The following NXPH1 variants were observed in gnomAD, a reference collection of about 807,000 sequenced individuals.
NXPH1 encodes the protein neurexophilin-1.
In NXPH1, 5 loss-of-function variants were observed where a neutral mutation model predicts 23.7. That is an observed-to-expected ratio of 0.21 (90% CI 0.11 to 0.44). The LOEUF is 0.44. Ranked by LOEUF, NXPH1 falls within the 20% of genes least tolerant of loss-of-function variation. The pLI, the probability that NXPH1 is intolerant of heterozygous loss-of-function variation, is 0.99. For synonymous variants in NXPH1, 144 were observed against 122.2 expected (o/e 1.18, Z -1.18); for missense variants, 324 against 321.6 (o/e 1.01, Z -0.06).
chr7:8,553,543 G>T (rs1198744165), intron 2 of NXPH1, among the ~76,000 whole-genome samples: 1 of 151,510 alleles, frequency 6.6e-6, no homozygotes, highest in Non-Finnish European at 1.5e-5. Flanking sequence ...AAGATACCCA[G>T]GTTTTAGCCT....
chr7:8,649,070 G>A (rs1057367004), intron 2 of NXPH1, among the ~76,000 whole-genome samples: 8 of 150,710 alleles, frequency 5.3e-5, no homozygotes, highest in Admixed American at 4.0e-4. Flanking sequence ...CCTTTTGATG[G>A]TACTTATTCA....
chr7:8,557,297 A>G (rs1365795281), intron 2 of NXPH1, among the ~76,000 whole-genome samples: 2 of 150,832 alleles, frequency 1.3e-5, no homozygotes, highest in East Asian at 2.0e-4. Context: ...AACAACAACA[A>G]CAACAACAAT....
At chr7:8,510,822 A>T (rs2128613924) in intron 2 of NXPH1, among the ~76,000 whole-genome samples, 1 of 152,232 alleles carries the variant, frequency 6.6e-6, no homozygotes, top group Non-Finnish European at 1.5e-5. Flanking sequence ...GGCATTTGCC[A>T]CTCTACACTG....
At chr7:8,623,687 TAAGAGA>T (rs1819927559) in intron 2 of NXPH1, among the ~76,000 whole-genome samples, 4 of 151,548 alleles carry the variant, frequency 2.6e-5, no homozygotes, top group African/African-American at 9.7e-5. Context: ...TTCTTATTTT[TAAGAGA>T]TATATACTGA....
intron 2 of NXPH1, among the ~76,000 whole-genome samples, chr7:8,567,079 A>G (rs1229320726): frequency 6.6e-6 from 1 of 151,846 alleles, no homozygotes; most frequent in South Asian, 2.1e-4. Context: ...TTGCTTTTCT[A>G]CGAATCTTCA....
rs189605506 is a variant in NXPH1, at chr7:8,518,495, C to T, written c.54+82728C>T. ...TATTTCCTAGCTCCAAGTAGCTTTCCGTCCCCTTGTTTATAGAGGCAGGTC... is the reference window on the plus strand; with the variant it reads ...TATTTCCTAGCTCCAAGTAGCTTTCTGTCCCCTTGTTTATAGAGGCAGGTC... On this transcript the variant is annotated intron_variant, in intron 2 of 2. Transcript: ENST00000405863. Among the ~76,000 whole-genome samples the T allele has an allele frequency of 9.2e-5, 14 of 152,154 alleles. No homozygotes were observed. The East Asian group carries it at 1.2e-3, about 13-fold the overall frequency.
intron 2 of NXPH1, among the ~76,000 whole-genome samples, chr7:8,479,646 A>G (rs943821702): frequency 6.6e-6 from 1 of 152,294 alleles, no homozygotes; most frequent in East Asian, 1.9e-4. Flanking sequence ...TAGAGAAATG[A>G]CTAATTCCAG....
At position 8,660,543 on chromosome 7, in the gene NXPH1, A is replaced by G. The variant is rs13226671; in HGVS notation, c.55-90465A>G. 5.7e-3 allele frequency among the ~76,000 whole-genome samples: 863 copies of G among 152,354 alleles called. 5 individuals carry two copies. Among genetic ancestry groups the G allele is most frequent in the African/African-American group, 0.02 (819 of 41,574 alleles). On this transcript the variant is annotated intron_variant, in intron 2 of 2. Coordinates refer to ENST00000405863, the MANE Select transcript of NXPH1 (RefSeq NM_152745.3). ...TGCCAAACTTGTTGAAGTTTTAAAA[A>G]TGAATAAGGCTCAAATGTAAAACTC... is the stretch of plus-strand genomic sequence containing the variant.
At chr7:8,624,572 A>G (rs1322716966) in intron 2 of NXPH1, among the ~76,000 whole-genome samples, 1 of 152,166 alleles carries the variant, frequency 6.6e-6, no homozygotes, top group Non-Finnish European at 1.5e-5. Context: ...GGGAAAAGAT[A>G]GTGTCATGTG....
At chr7:8,496,317 C>T (rs1212090938) in intron 2 of NXPH1, among the ~76,000 whole-genome samples, 1 of 152,028 alleles carries the variant, frequency 6.6e-6, no homozygotes, top group Non-Finnish European at 1.5e-5. Context: ...AGGCATGTTC[C>T]TCTTTCCTTC....
chr7:8,461,226 C>T lies in NXPH1; in HGVS notation c.54+25459C>T, dbSNP rs143153999. ...CAGTTTTCAATTCTCCATCCTCCCT[C>T]TGTCACATTACATGGTTAGGAAGAG... On this transcript the variant is annotated intron_variant, in intron 2 of 2. Transcript: ENST00000405863. Among the ~76,000 whole-genome samples the T allele has an allele frequency of 1.8e-3, 275 of 152,304 alleles. 1 individual carries two copies. The highest frequency in any genetic ancestry group is 1.4e-3 in the South Asian group (7 of 4,830).
chr7:8,737,020 G>T (rs183926651), intron 2 of NXPH1, among the ~76,000 whole-genome samples: 1 of 151,480 alleles, frequency 6.6e-6, no homozygotes, highest in East Asian at 1.9e-4. Context: ...TTGAGCGTGC[G>T]TGTGTGTTTG....
intron 2 of NXPH1, among the ~76,000 whole-genome samples, chr7:8,535,680 A>C (rs1296028491): frequency 6.6e-6 from 1 of 151,996 alleles, no homozygotes; most frequent in African/African-American, 2.4e-5. Context: ...AAAATAAAGC[A>C]AGGTAAGAAG....
intron 2 of NXPH1, among the ~76,000 whole-genome samples, chr7:8,486,520 T>A (rs1218878777): frequency 6.6e-6 from 1 of 152,202 alleles, no homozygotes; most frequent in East Asian, 1.9e-4. Context: ...GCCACAGACC[T>A]GCTGTGTGAA....
intron 2 of NXPH1, among the ~76,000 whole-genome samples, chr7:8,710,807 C>CAT (rs2115196770): frequency 7.2e-6 from 1 of 138,432 alleles, no homozygotes; most frequent in South Asian, 2.3e-4. Context: ...GGACTACAGG[C>CAT]GCCCGCCACC....
intron 2 of NXPH1, among the ~76,000 whole-genome samples, chr7:8,699,271 G>A (rs995962054): frequency 6.6e-6 from 1 of 152,046 alleles, no homozygotes; most frequent in African/African-American, 2.4e-5. Context: ...TACTTGGTTA[G>A]ATAAATGCTT....
At chr7:8,490,307 C>T (rs1163941800) in intron 2 of NXPH1, among the ~76,000 whole-genome samples, 1 of 151,618 alleles carries the variant, frequency 6.6e-6, no homozygotes, top group African/African-American at 2.4e-5. Context: ...CTAATGAGTA[C>T]AGAAATTACT....
chr7:8,593,947 G>T (rs1248327751), intron 2 of NXPH1, among the ~76,000 whole-genome samples: 1 of 151,402 alleles, frequency 6.6e-6, no homozygotes, highest in African/African-American at 2.4e-5. Context: ...TTCAGCTTAT[G>T]ATAACATTTT....
At chr7:8,734,293 G>T (rs1457451804) in intron 2 of NXPH1, among the ~76,000 whole-genome samples, 3 of 152,158 alleles carry the variant, frequency 2.0e-5, no homozygotes, top group African/African-American at 7.2e-5. Flanking sequence ...AGTATAGCTT[G>T]AAGTCAGGTA....
Sources: allele counts gnomAD v4.1 joint callset (sites outside exome capture counted in the v4.1 genomes callset), GRCh38; gene constraint gnomAD v4.1.1; transcripts MANE v1.5; gene names NCBI Gene and HGNC (gene_info 2026-07-23, HGNC 2026-07-21).